CPNE4: variants seen among roughly 807,000 people sequenced by gnomAD.
CPNE4 encodes the protein copine-4.
Under a neutral mutation model 67.9 loss-of-function variants are expected in CPNE4, and 25 were observed. That is an observed-to-expected ratio of 0.37 (90% CI 0.27 to 0.51). The LOEUF (loss-of-function observed/expected upper bound fraction) is 0.51. Among genes scored for constraint, CPNE4 ranks in the 20% least tolerant of loss-of-function variants. The probability of loss-of-function intolerance (pLI) is 0.93; values close to 1 mark genes in which losing one functional copy is unlikely to be tolerated. For missense variants in CPNE4, 464 were observed against 690.8 expected (o/e 0.67, Z 3.68); for synonymous variants, 242 against 244.9 (o/e 0.99, Z 0.11).
intron 1 of CPNE4, among the ~76,000 whole-genome samples, chr3:131,910,025 T>C (rs1048028240): frequency 1.2e-4 from 19 of 152,238 alleles, no homozygotes; most frequent in African/African-American, 4.3e-4. Context: ...AAGATCAGTC[T>C]AGTACTAATA....
chr3:131,969,513 T>A (rs1207265038), intron 1 of CPNE4, among the ~76,000 whole-genome samples: 2 of 152,142 alleles, frequency 1.3e-5, no homozygotes, highest in Non-Finnish European at 2.9e-5. Context: ...AGGATATTTG[T>A]CTCTTAATTT....
At chr3:131,975,887 G>T (rs2072637019) in intron 1 of CPNE4, among the ~76,000 whole-genome samples, 2 of 152,062 alleles carry the variant, frequency 1.3e-5, no homozygotes, top group African/African-American at 4.8e-5. Flanking sequence ...ATCATGGCTT[G>T]TAACAGTGAA....
At chr3:131,920,263 T>C (rs1159854516) in intron 1 of CPNE4, among the ~76,000 whole-genome samples, 1 of 152,208 alleles carries the variant, frequency 6.6e-6, no homozygotes, top group Non-Finnish European at 1.5e-5. Flanking sequence ...TGGAATTATA[T>C]GTAGATTTAT....
intron 7 of CPNE4, among the ~76,000 whole-genome samples, chr3:131,667,717 T>C (rs1270503676): frequency 6.6e-6 from 1 of 152,014 alleles, no homozygotes; most frequent in Admixed American, 6.6e-5. Flanking sequence ...TCTATTTCCT[T>C]ACCTCCTACT....
intron 1 of CPNE4, among the ~76,000 whole-genome samples, chr3:131,957,299 C>T (rs2072007042): frequency 6.6e-6 from 1 of 152,174 alleles, no homozygotes; most frequent in Non-Finnish European, 1.5e-5. Context: ...AAAATAATAG[C>T]TTCTTGAATT....
chr3:131,877,626 T>G (rs998970916), intron 2 of CPNE4, among the ~76,000 whole-genome samples: 1 of 152,152 alleles, frequency 6.6e-6, no homozygotes, highest in African/African-American at 2.4e-5. Flanking sequence ...TAAGTAATAA[T>G]TGTAACAGTA....
At chr3:131,808,670 A>G (rs2084414143) in intron 2 of CPNE4, among the ~76,000 whole-genome samples, 1 of 152,206 alleles carries the variant, frequency 6.6e-6, no homozygotes, top group South Asian at 2.1e-4. Flanking sequence ...TTCATGTGTT[A>G]TTTGTGAAAA....
At chr3:131,602,772 A>G (rs557345995) in intron 7 of CPNE4, among the ~76,000 whole-genome samples, 1 of 152,272 alleles carries the variant, frequency 6.6e-6, no homozygotes, top group East Asian at 1.9e-4. Context: ...GCACTGGTTC[A>G]ACCTGTACCA....
At chr3:131,546,159 T>A (rs34874805) in intron 14 of CPNE4, among the ~76,000 whole-genome samples, 23,618 of 152,036 alleles carry the variant, frequency 0.16, 1,944 homozygotes, top group African/African-American at 0.21. Flanking sequence ...TGTGGAACAA[T>A]AAGTTTAAGA....
upstream of CPNE4, chr3:132,037,845 A>G (rs1234549508): frequency 1.1e-5 from 5 of 475,804 alleles, no homozygotes; most frequent in South Asian, 1.7e-4. Context: ...GATTCTTACC[A>G]ATGCAGTTGA....
At chr3:131,954,511 T>C (rs945552289) in intron 1 of CPNE4, among the ~76,000 whole-genome samples, 1 of 152,220 alleles carries the variant, frequency 6.6e-6, no homozygotes, top group Non-Finnish European at 1.5e-5. Flanking sequence ...TTTATTATTA[T>C]TATACTTTAA....
chr3:131,630,988 G>A (rs1264250781), intron 7 of CPNE4, among the ~76,000 whole-genome samples: 3 of 152,212 alleles, frequency 2.0e-5, no homozygotes, highest in Non-Finnish European at 4.4e-5. Flanking sequence ...GAAGTCTGAA[G>A]CCACTTGGAC....
Position 131,996,833 on chromosome 3 carries a change from T to G in CPNE4, c.-2+37734A>C, listed in dbSNP as rs537220760. 1.6e-4 allele frequency among the ~76,000 whole-genome samples: 24 copies of G among 151,050 alleles called. No individual in the cohort carries two copies. The South Asian group carries it at 5.0e-3, about 31-fold the overall frequency. ...GAAAAAGAGCCTTTCTTTCCAGAAA[T>G]GGAGCAGTCCAGAGTTTCAGGAGAC... is the stretch of plus-strand genomic sequence containing the variant. On this transcript the variant is annotated intron_variant, in intron 1 of 15. Transcript: ENST00000429747.
intron 14 of CPNE4, among the ~76,000 whole-genome samples, chr3:131,545,377 C>A (rs1328219625): frequency 2.0e-5 from 3 of 152,160 alleles, no homozygotes; most frequent in Admixed American, 2.0e-4. Context: ...TGGACTACTG[C>A]AAGATTTAAG....
At chr3:131,619,281 AG>A (rs2107756104) in intron 7 of CPNE4, among the ~76,000 whole-genome samples, 1 of 152,302 alleles carries the variant, frequency 6.6e-6, no homozygotes, top group South Asian at 2.1e-4. Context: ...GAGCTCTGAA[AG>A]CCTGTGTAAT....
At chr3:131,971,801 A>G (rs1309205895) in intron 1 of CPNE4, among the ~76,000 whole-genome samples, 1 of 152,138 alleles carries the variant, frequency 6.6e-6, no homozygotes, top group East Asian at 1.9e-4. Context: ...AGTTGATCCC[A>G]TTCCTGTAGC....
chr3:131,792,704 C>CACGTGTATATATGTATATATAT (rs2083791426), intron 2 of CPNE4, among the ~76,000 whole-genome samples: 1 of 71,894 alleles, frequency 1.4e-5, no homozygotes, highest in East Asian at 4.4e-4. Flanking sequence ...TACATATACA[C>CACGTGTATATATGTATATATAT]ACACGTGTAT....
chr3:131,675,494 G>A (rs1336703210), intron 6 of CPNE4, among the ~76,000 whole-genome samples: 1 of 152,080 alleles, frequency 6.6e-6, no homozygotes, highest in Non-Finnish European at 1.5e-5. Context: ...GAGTGCTTCA[G>A]TATTGGGTGC....
chr3:131,606,375 A>G (rs1939504332), intron 7 of CPNE4, among the ~76,000 whole-genome samples: 1 of 152,164 alleles, frequency 6.6e-6, no homozygotes, highest in Admixed American at 6.5e-5. Context: ...GCTACTCCTA[A>G]CCAATCATAC....
Sources: gnomAD v4.1 joint callset for allele counts (sites outside exome capture counted in the v4.1 genomes callset) on GRCh38, gnomAD v4.1.1 for gene constraint, MANE v1.5 for transcripts, NCBI Gene and HGNC (gene_info 2026-07-23, HGNC 2026-07-21) for gene names.